The following ACAA2 variants were observed in gnomAD, a reference collection of about 807,000 sequenced individuals.
ACAA2 encodes acetyl-CoA acyltransferase 2.
A neutral mutation model predicts 44.8 loss-of-function variants in ACAA2; 35 were observed. The ratio of observed to expected loss-of-function variants is 0.78; its 90% CI spans 0.60 to 1.04. ACAA2 has a LOEUF of 1.04. Ranked by LOEUF, ACAA2 falls within the 50% of genes least tolerant of loss-of-function variation. The pLI is 0.00. For missense variants in ACAA2, 468 were observed against 482.6 expected (o/e 0.97, Z 0.28); for synonymous variants, 142 against 166.5 (o/e 0.85, Z 1.13).
chr18:49,797,286 T>C (rs547611052), intron 3 of ACAA2, among the ~76,000 whole-genome samples, 180 bp downstream of exon 3: 9 of 152,110 alleles, frequency 5.9e-5, no homozygotes, highest in Admixed American at 4.6e-4. Context: ...TTTTCTTTTT[T>C]TTGGAGCCAA....
At chr18:49,789,918 C>T (rs2023378554) in intron 7 of ACAA2, among the ~76,000 whole-genome samples, 1 of 151,290 alleles carries the variant, frequency 6.6e-6, no homozygotes, top group Non-Finnish European at 1.5e-5. Context: ...CGCCACTGCA[C>T]TCCAGCCTGG....
In ACAA2 at chr18:49,795,855, A is replaced by C. The variant is rs1170291086; in HGVS notation, c.339T>G (p.Val113=). The C allele has an allele frequency of 1.2e-6, 2 of 1,611,896 alleles. No individual in the cohort carries two copies. The highest frequency in any genetic ancestry group is 2.2e-5 in the South Asian group (2 of 90,562). ...CQEICVKEAE[V]VLCGGTESMS... ...TGCTTTCGGTTCCTCCACATAAAAC[A>C]ACTTCAGCTTCTTTAACACAAATTT... The change falls in exon 4 of 10, where the codon GTT becomes GTG. Residue 113 remains valine, a synonymous_variant. Transcript: ENST00000285093.
intron 1 of ACAA2, among the ~76,000 whole-genome samples, chr18:49,803,932 C>T (rs1381474149): frequency 7.5e-6 from 1 of 134,028 alleles, no homozygotes; most frequent in Non-Finnish European, 1.6e-5. Context: ...TTTTTGGAGA[C>T]AGAGTTTTGC....
intron 8 of ACAA2, chr18:49,785,641 A>G: frequency 2.7e-6 from 1 of 375,374 alleles, no homozygotes; most frequent in Admixed American, 4.5e-5. Context: ...CACAGGTTTT[A>G]GAACTGGATG....
intron 8 of ACAA2, among the ~76,000 whole-genome samples, chr18:49,786,847 T>A (rs1382351858): frequency 2.0e-5 from 3 of 152,182 alleles, no homozygotes; most frequent in Non-Finnish European, 4.4e-5. Context: ...AACTATCGTA[T>A]AAAAGCCAAA....
In ACAA2 at chr18:49,813,510, C is replaced by T. The variant is rs1014633680; in HGVS notation, c.-26G>A. The stretch of plus-strand genomic sequence containing the variant: ...GGCGGCTGCTGGGTCGTCGGCGGCG[C>T]GGGTCTGTGGTGTGGGGGACGCTGA... On this transcript the variant is annotated 5_prime_UTR_variant, in exon 1 of 10. Transcript: ENST00000285093. 5.6e-6 allele frequency: 7 copies of T among 1,239,456 alleles called. No individual in the cohort carries two copies. Among genetic ancestry groups the T allele is most frequent in the Non-Finnish European group, 7.1e-6 (7 of 987,994 alleles). The allele number at this position is 1,239,456 out of a possible 1,614,324, so 76.8% of individuals were successfully genotyped here. A position where few individuals can be genotyped will look rare whatever the true frequency, so the allele number is the denominator to read the frequency against.
intron 1 of ACAA2, among the ~76,000 whole-genome samples, chr18:49,807,780 G>A (rs935810901): frequency 5.3e-5 from 8 of 151,074 alleles, no homozygotes; most frequent in African/African-American, 1.7e-4. Flanking sequence ...TACAGTGGCC[G>A]TGTTCACACC....
In ACAA2 at chr18:49,787,343, C is replaced by T. The variant is rs1256975692; in HGVS notation, c.902G>A (p.Ser301Asn). ...IMGIGPVPAI[S>N]GALKKAGLSL... The stretch of plus-strand genomic sequence containing the variant: ...CAGTCCTGCTTTCTTCAGTGCCCCA[C>T]TGATAGCAGGGACAGGACCTATATA... Residue 301 changes from serine (S) to asparagine (N), a missense_variant, in exon 8 of 10, where the codon AGT becomes AAT. Transcript: ENST00000285093. 44 of 1,471,480 alleles carry T rather than the reference C, an allele frequency of 3.0e-5. No individual in the cohort carries two copies. The East Asian group carries it at 1.2e-3, about 40-fold the overall frequency. 91.2% of individuals were successfully genotyped at this position (1,471,480 alleles called of 1,614,324 possible). A position where few individuals can be genotyped will look rare whatever the true frequency, so the allele number is the denominator to read the frequency against.
chr18:49,809,037 C>T (rs556477059), intron 1 of ACAA2, among the ~76,000 whole-genome samples: 63 of 152,226 alleles, frequency 4.1e-4, no homozygotes, highest in Admixed American at 2.2e-3. Flanking sequence ...CCCAGGAATA[C>T]AATTCTTTTC....
In ACAA2 at chr18:49,783,923, C is replaced by T; in HGVS notation, c.1118G>A (p.Gly373Asp). ...AHLVHELRRR[G>D]GKYAVGSACI... ...AGCTGATCCAACGGCATATTTTCCA[C>T]CTCGACGCCTGAAAAAGAAAGCAGT... Residue 373 changes from glycine to aspartate, a missense_variant, in exon 10 of 10, where the codon GGT becomes GAT. Transcript: ENST00000285093. 6.2e-7 allele frequency: 1 copy of T among 1,613,954 alleles called. No individual in the cohort carries two copies. Among genetic ancestry groups the T allele is most frequent in the Non-Finnish European group, 8.5e-7 (1 of 1,179,888 alleles).
intron 1 of ACAA2, among the ~76,000 whole-genome samples, chr18:49,803,558 C>G (rs1314179825): frequency 7.2e-5 from 11 of 152,128 alleles, no homozygotes; most frequent in Admixed American, 7.2e-4. Context: ...AATCCAGTGT[C>G]TGAGGAGTTT....
intron 8 of ACAA2, 136 bp downstream of exon 8, chr18:49,787,155 T>C (rs961799616): frequency 3.3e-6 from 2 of 602,208 alleles, no homozygotes; most frequent in Non-Finnish European, 5.1e-6. Context: ...ACTATTTATT[T>C]AGATGTACAT....
In ACAA2 at chr18:49,802,734, C is replaced by A; in HGVS notation, c.136G>T (p.Val46Phe). 1 of 1,614,128 alleles carries A rather than the reference C, an allele frequency of 6.2e-7. No individual in the cohort carries two copies. Among genetic ancestry groups the A allele is most frequent in the Non-Finnish European group, 8.5e-7 (1 of 1,180,004 alleles). The change falls in exon 2 of 10, where the codon GTC becomes TTC. Residue 46 changes from valine (V) to phenylalanine (F), a missense_variant. Coordinates refer to ENST00000285093, the MANE Select transcript of ACAA2 (RefSeq NM_006111.3). ...ACACTGTCAACTGTTTCAGGTGAGA[C>A]TTTGCCAGCAGACAAGGCAGCCTTG... ...AAKAALSAGK[V>F]SPETVDSVIM...
chr18:49,792,085 T>G lies in ACAA2; in HGVS notation c.753+67A>C, dbSNP rs1450743610. 6 of 1,307,574 alleles carry G rather than the reference T, an allele frequency of 4.6e-6. No homozygotes were observed. In the South Asian group the frequency reaches 8.4e-5, roughly 18 times the overall value. The allele number at this position is 1,307,574 out of a possible 1,614,324, so 81.0% of individuals were successfully genotyped here. A position where few individuals can be genotyped will look rare whatever the true frequency, so the allele number is the denominator to read the frequency against. ...ACTGGCATAAAAAGTATTTACAAGA[T>G]ACTTCATGATTACTTTTGTTGAACA... On this transcript the variant is annotated intron_variant, in intron 6 of 9. Coordinates refer to ENST00000285093, the MANE Select transcript of ACAA2 (RefSeq NM_006111.3).
chr18:49,787,858 G>A (rs954702267), intron 7 of ACAA2, among the ~76,000 whole-genome samples: 11 of 152,074 alleles, frequency 7.2e-5, no homozygotes, highest in African/African-American at 2.2e-4. Flanking sequence ...CTCTACTTGG[G>A]ATCCAAGCCA....
intron 2 of ACAA2, among the ~76,000 whole-genome samples, chr18:49,802,441 A>C (rs2023563327): frequency 6.6e-6 from 1 of 151,994 alleles, no homozygotes; most frequent in South Asian, 2.1e-4. Flanking sequence ...ACACGCCTGT[A>C]ATCCCAGCTA....
intron 1 of ACAA2, among the ~76,000 whole-genome samples, chr18:49,810,689 T>G (rs992113307): frequency 6.6e-6 from 1 of 151,918 alleles, no homozygotes; most frequent in Non-Finnish European, 1.5e-5. Context: ...TTTGGGTTTT[T>G]TTTGTTTGTT....
chr18:49,811,216 A>C (rs969637260), intron 1 of ACAA2, among the ~76,000 whole-genome samples: 3 of 152,134 alleles, frequency 2.0e-5, no homozygotes, highest in African/African-American at 7.2e-5. Flanking sequence ...AGATGTGCTG[A>C]GTTGACAATA....
intron 7 of ACAA2, among the ~76,000 whole-genome samples, chr18:49,788,917 G>A (rs1026803827): frequency 2.0e-5 from 3 of 152,282 alleles, no homozygotes; most frequent in South Asian, 4.2e-4. Context: ...ATAGCTGTGC[G>A]ACTTTGTGCA....
Sources: allele counts gnomAD v4.1 joint callset (sites outside exome capture counted in the v4.1 genomes callset), GRCh38; gene constraint gnomAD v4.1.1; transcripts MANE v1.5; gene names NCBI Gene and HGNC (gene_info 2026-07-23, HGNC 2026-07-21).